The following ADARB2 variants were observed in gnomAD, a reference collection of about 807,000 sequenced individuals.
The protein encoded by ADARB2 is inactive double-stranded RNA-specific editase B2.
A neutral mutation model predicts 62.2 loss-of-function variants in ADARB2; 25 were observed. The observed-to-expected ratio is 0.40, with a 90% CI of 0.29 to 0.56. The LOEUF is 0.56. Among genes scored for constraint, ADARB2 ranks in the 20% least tolerant of loss-of-function variants. ADARB2 has a pLI of 0.43. For synonymous variants in ADARB2, 572 were observed against 500.8 expected, an observed-to-expected ratio of 1.14 and a Z score of -1.90; for missense variants, 1,071 against 1,077.4, an observed-to-expected ratio of 0.99 and a Z score of 0.08.
chr10:1,501,459 A>G (rs1291947101), intron 1 of ADARB2, among the ~76,000 whole-genome samples: 1 of 152,236 alleles, frequency 6.6e-6, no homozygotes. Context: ...TGGGCCCTAC[A>G]TGAATCAGAG....
intron 2 of ADARB2, among the ~76,000 whole-genome samples, chr10:1,369,601 T>C (rs1339928177): frequency 2.6e-5 from 4 of 152,226 alleles, no homozygotes; most frequent in African/African-American, 9.7e-5. Context: ...ACTACTTCAC[T>C]AAGTGTAAGT....
chr10:1,244,156 C>T (rs1381533162), intron 4 of ADARB2, among the ~76,000 whole-genome samples: 1 of 152,232 alleles, frequency 6.6e-6, no homozygotes, highest in Non-Finnish European at 1.5e-5. Flanking sequence ...CTGGGGTGGG[C>T]AGCTGCTACT....
chr10:1,533,872 C>T (rs908855958), intron 1 of ADARB2, among the ~76,000 whole-genome samples: 1 of 152,280 alleles, frequency 6.6e-6, no homozygotes, highest in Non-Finnish European at 1.5e-5. Flanking sequence ...GGCTAGTCCA[C>T]GTTCACCACA....
chr10:1,595,599 C>T (rs1401121064), intron 1 of ADARB2, among the ~76,000 whole-genome samples: 3 of 152,232 alleles, frequency 2.0e-5, no homozygotes, highest in East Asian at 1.9e-4. Flanking sequence ...GGATTCTTCC[C>T]TGTCCTCCCA....
intron 3 of ADARB2, among the ~76,000 whole-genome samples, chr10:1,273,560 A>G (rs1365003206): frequency 2.0e-5 from 3 of 152,316 alleles, no homozygotes; most frequent in Non-Finnish European, 4.4e-5. Flanking sequence ...GCCCACATCT[A>G]AAGGTCAGGC....
rs759980818 is a variant in ADARB2, at chr10:1,737,112, C to A, written c.39G>T (p.Gly13=). Residue 13 remains glycine, a synonymous_variant, in exon 1 of 10, where the codon GGG becomes GGT. Transcript: ENST00000381312. ...ACTTGCATTTGAGTTGACTGCTCAG[C>A]CCTCCAGACCCTCTGCCGCTCCCCA... ...SVLGSGRGSG[G]LSSQLKCKSK... 3 of 1,610,840 alleles carry A rather than the reference C, an allele frequency of 1.9e-6. No homozygotes were observed. Among genetic ancestry groups the A allele is most frequent in the Non-Finnish European group, 2.5e-6 (3 of 1,179,912 alleles).
At chr10:1,654,401 A>G (rs1281492580) in intron 1 of ADARB2, among the ~76,000 whole-genome samples, 1 of 152,054 alleles carries the variant, frequency 6.6e-6, no homozygotes, top group Non-Finnish European at 1.5e-5. Context: ...AGGGGTGCTG[A>G]GACAGGCCTG....
At chr10:1,516,182 G>A (rs1047084873) in intron 1 of ADARB2, among the ~76,000 whole-genome samples, 16 of 152,144 alleles carry the variant, frequency 1.1e-4, no homozygotes, top group Admixed American at 9.2e-4. Context: ...GCCTCATTGC[G>A]GGCTGACCTT....
intron 4 of ADARB2, among the ~76,000 whole-genome samples, chr10:1,254,840 C>G (rs913225058): frequency 1.3e-5 from 2 of 152,192 alleles, no homozygotes; most frequent in Non-Finnish European, 2.9e-5. Context: ...ACAAAGAAAA[C>G]CCACTCTGTG....
At chr10:1,481,536 T>G (rs769694273) in intron 1 of ADARB2, among the ~76,000 whole-genome samples, 4 of 152,142 alleles carry the variant, frequency 2.6e-5, no homozygotes, top group African/African-American at 4.8e-5. Flanking sequence ...GAGAAAATAT[T>G]TGCAAATCAT....
At chr10:1,517,595 A>G (rs1242208986) in intron 1 of ADARB2, among the ~76,000 whole-genome samples, 2 of 152,154 alleles carry the variant, frequency 1.3e-5, no homozygotes, top group African/African-American at 4.8e-5. Context: ...ACCAATGCCC[A>G]CCAAGTGAAT....
At chr10:1,234,199 G>C (rs1180580328) in intron 5 of ADARB2, among the ~76,000 whole-genome samples, 9 of 151,776 alleles carry the variant, frequency 5.9e-5, no homozygotes, top group Admixed American at 5.9e-4. Flanking sequence ...ATGTTGGCCA[G>C]GTTTGTCTTG....
chr10:1,488,244 C>G (rs950895882), intron 1 of ADARB2, among the ~76,000 whole-genome samples: 3 of 144,226 alleles, frequency 2.1e-5, no homozygotes, highest in Non-Finnish European at 3.0e-5. Context: ...AAAGGATGTA[C>G]AAACATCCTA....
At chr10:1,463,609 A>G (rs1037726307) in intron 1 of ADARB2, among the ~76,000 whole-genome samples, 4 of 152,244 alleles carry the variant, frequency 2.6e-5, no homozygotes, top group Non-Finnish European at 5.9e-5. Context: ...TTTTCATAAT[A>G]GACCCAGACA....
intron 3 of ADARB2, among the ~76,000 whole-genome samples, chr10:1,324,929 G>A (rs909599905): frequency 6.6e-6 from 1 of 152,218 alleles, no homozygotes; most frequent in Non-Finnish European, 1.5e-5. Context: ...TCTGTGAGGC[G>A]TTGTGCTCCG....
At chr10:1,227,750 A>AC (rs1358643851) in intron 6 of ADARB2, among the ~76,000 whole-genome samples, 3 of 152,316 alleles carry the variant, frequency 2.0e-5, no homozygotes, top group Admixed American at 1.3e-4. Flanking sequence ...AATGAAACAA[A>AC]CCACAGGCAT....
intron 1 of ADARB2, among the ~76,000 whole-genome samples, chr10:1,516,449 C>T (rs1047553617): frequency 6.6e-6 from 1 of 152,164 alleles, no homozygotes; most frequent in Non-Finnish European, 1.5e-5. Flanking sequence ...GACCAAATGT[C>T]TGCTTGTTCA....
rs1198228967 is a variant in ADARB2, at chr10:1,363,823, G to A, written c.282C>T (p.Pro94=). The A allele has an allele frequency of 5.1e-6, 8 of 1,579,104 alleles. 1 individual carries two copies. The African/African-American group carries it at 6.8e-5, about 13-fold the overall frequency. ...CCAGCGGCCGCTTCCTCTTCGCGCC[G>A]GGCGCGCCGCCCCGGGCCCGGTCCC... ...PSGDRARGGA[P]GAKRKRPLEE... The change falls in exon 3 of 10, where the codon CCC becomes CCT. Residue 94 remains proline (P), a synonymous_variant. Transcript: ENST00000381312.
At chr10:1,678,488 A>G (rs898822395) in intron 1 of ADARB2, among the ~76,000 whole-genome samples, 3 of 151,668 alleles carry the variant, frequency 2.0e-5, no homozygotes, top group African/African-American at 7.3e-5. Flanking sequence ...TGGGGCATGC[A>G]GGGGGGCTGC....
Sources: gnomAD v4.1 joint callset for allele counts (sites outside exome capture counted in the v4.1 genomes callset) on GRCh38, gnomAD v4.1.1 for gene constraint, MANE v1.5 for transcripts, NCBI Gene and HGNC (gene_info 2026-07-23, HGNC 2026-07-21) for gene names.